Variants in BRIP1 observed in about 807,000 individuals in gnomAD.
BRIP1 encodes the protein Fanconi anemia group J protein.
A neutral mutation model predicts 119.7 loss-of-function variants in BRIP1; 88 were observed. That is an observed-to-expected ratio of 0.74 (90% CI 0.62 to 0.88). BRIP1 has a LOEUF of 0.88. Ranked by LOEUF, BRIP1 falls within the 40% of genes least tolerant of loss-of-function variation. The pLI, the probability that BRIP1 is intolerant of heterozygous loss-of-function variation, is 0.00. For synonymous variants in BRIP1, 443 were observed against 496.5 expected, an observed-to-expected ratio of 0.89 and a Z score of 1.43; for missense variants, 1,259 against 1,455.4, an observed-to-expected ratio of 0.87 and a Z score of 2.20.
intron 10 of BRIP1, among the ~76,000 whole-genome samples, chr17:61,784,688 G>A (rs1393320448): frequency 6.6e-6 from 1 of 152,144 alleles, no homozygotes. Context: ...GAGAGGGGGT[G>A]AGTTAGTGCT....
rs1265201453 is a variant in BRIP1 at position 61,744,975 on chromosome 17, C to CA, written c.2098-385dup. Among the ~76,000 whole-genome samples the CA allele has an allele frequency of 6.6e-6, 1 of 151,820 alleles. No homozygotes were observed. Among genetic ancestry groups the CA allele is most frequent in the Non-Finnish European group, 1.5e-5 (1 of 67,948 alleles). On this transcript the variant is annotated intron_variant, in intron 14 of 19. Transcript: ENST00000259008. This position sits in a 1 kb window ranked among gnomAD's most constrained non-coding sequence, Gnocchi z 5.0. The stretch of plus-strand genomic sequence containing the variant: ...CAATTTCAAAAGCAAAAGCAAAAAA[C>CA]AAAAAACCTCTGTCAAAGTTAACAA...
chr17:61,791,707 AT>A (rs1184768803), intron 10 of BRIP1, among the ~76,000 whole-genome samples: 8 of 152,068 alleles, frequency 5.3e-5, no homozygotes, highest in African/African-American at 1.9e-4. Context: ...CCCCTGCCCC[AT>A]GGAAGTACAG....
rs2076992961 is a variant in BRIP1, at chr17:61,742,045, T to C, written c.2379+968A>G. Reference sequence around the variant, plus strand: ...GCGTAGCCACCTTCATCAATTATCTTGGCCAGATCTTCTGGATAACTTGCT... The same window carrying C: ...GCGTAGCCACCTTCATCAATTATCTCGGCCAGATCTTCTGGATAACTTGCT... On this transcript the variant is annotated intron_variant, in intron 16 of 19. Coordinates refer to ENST00000259008, the MANE Select transcript of BRIP1 (RefSeq NM_032043.3). This position sits in a 1 kb window ranked among gnomAD's most constrained non-coding sequence, Gnocchi z 4.7. Among the ~76,000 whole-genome samples the C allele has an allele frequency of 6.6e-6, 1 of 152,236 alleles. No homozygotes were observed. Among genetic ancestry groups the C allele is most frequent in the Non-Finnish European group, 1.5e-5 (1 of 68,030 alleles).
At chr17:61,849,057 A>C in intron 5 of BRIP1, 72 bp downstream of exon 5, 1 of 1,538,658 alleles carries the variant, frequency 6.5e-7, no homozygotes, top group Admixed American at 1.7e-5. Context: ...AAGTGCATTA[A>C]AAACATGATA....
intron 17 of BRIP1, among the ~76,000 whole-genome samples, chr17:61,711,697 G>A (rs1280375972): frequency 1.3e-5 from 2 of 151,738 alleles, no homozygotes; most frequent in Non-Finnish European, 2.9e-5. Context: ...AGCGAAACCC[G>A]TCTCTACTAA....
Position 61,711,865 on chromosome 17 carries a change from CA to C in BRIP1, c.2492+4085del, listed in dbSNP as rs879605038. 4.7e-4 allele frequency among the ~76,000 whole-genome samples: 68 copies of C among 145,228 alleles called. 1 individual carries two copies. The highest frequency in any genetic ancestry group is 8.9e-4 in the South Asian group (4 of 4,496). ...CCTGGGAAACAGAGCAAGACTCTCT[CA>C]AAAAAAAAATAATAATAATAATAAA... On this transcript the variant is annotated intron_variant, in intron 17 of 19. Coordinates refer to ENST00000259008, the MANE Select transcript of BRIP1 (RefSeq NM_032043.3).
chr17:61,817,245 T>A (rs983922000), intron 6 of BRIP1, among the ~76,000 whole-genome samples: 3 of 152,172 alleles, frequency 2.0e-5, no homozygotes, highest in African/African-American at 4.8e-5. Context: ...AAAAGACATA[T>A]ATGTATTATT....
Position 61,722,605 on chromosome 17 carries a change from A to G in BRIP1, c.2380-6542T>C, listed in dbSNP as rs2061999101. 6.6e-6 allele frequency among the ~76,000 whole-genome samples: 1 copy of G among 152,236 alleles called. No individual in the cohort carries two copies. The highest frequency in any genetic ancestry group is 2.1e-4 in the South Asian group (1 of 4,836). On this transcript the variant is annotated intron_variant, in intron 16 of 19. Coordinates refer to ENST00000259008, the MANE Select transcript of BRIP1 (RefSeq NM_032043.3). This position sits in a 1 kb window ranked among gnomAD's most constrained non-coding sequence, Gnocchi z 4.6. ...AAAGTTGACATCTACTTTGTCAGAC[A>G]TAATAGCTTATGTGTTTTCAAAATT...
chr17:61,856,830 A>T lies in BRIP1; in HGVS notation c.379+228T>A, dbSNP rs1425626179. Among the ~76,000 whole-genome samples, 1 of 152,220 alleles carries T rather than the reference A, an allele frequency of 6.6e-6. No homozygotes were observed. The highest frequency in any genetic ancestry group is 1.5e-5 in the Non-Finnish European group (1 of 68,038). On this transcript the variant is annotated intron_variant, in intron 4 of 19. Coordinates refer to ENST00000259008, the MANE Select transcript of BRIP1 (RefSeq NM_032043.3). This position sits in a 1 kb window ranked among gnomAD's most constrained non-coding sequence, Gnocchi z 5.1. ...TATTTTGCCTTGCCTTCCTTAAAAA[A>T]TTATTTAGGACAACAAAATGTCTCA... is the stretch of plus-strand genomic sequence containing the variant.
chr17:61,849,583 T>C (rs2078787656), intron 4 of BRIP1, among the ~76,000 whole-genome samples: 2 of 152,208 alleles, frequency 1.3e-5, no homozygotes, highest in Non-Finnish European at 2.9e-5. Context: ...TGTAAAAATC[T>C]TTCTTTACAG....
rs56807447 is a variant in BRIP1 at position 61,746,587 on chromosome 17, CAA to C, written c.2098-1998_2098-1997del. The stretch of plus-strand genomic sequence containing the variant: ...CTAAGTCAAAAATTGTCACAAGAGA[CAA>C]AAAAAAAGGACATTATATAATGATA... On this transcript the variant is annotated intron_variant, in intron 14 of 19. Coordinates refer to ENST00000259008, the MANE Select transcript of BRIP1 (RefSeq NM_032043.3). The surrounding 1 kb of genome is among the most constrained non-coding windows in gnomAD (Gnocchi z 4.9). Among the ~76,000 whole-genome samples the C allele has an allele frequency of 6.0e-5, 9 of 151,188 alleles. No homozygotes were observed. Among genetic ancestry groups the C allele is most frequent in the Middle Eastern group, 3.4e-3 (1 of 294 alleles).
chr17:61,863,045 T>A (rs1407512199), intron 1 of BRIP1, among the ~76,000 whole-genome samples: 6 of 152,012 alleles, frequency 3.9e-5, no homozygotes, highest in African/African-American at 1.2e-4. Context: ...AAACATTGCA[T>A]AAAGGATAAA....
chr17:61,693,424 T>C lies in BRIP1; in HGVS notation c.2575+6A>G, dbSNP rs1555574710. ...GTTTTTACTCTAAGCCCAGCTGAGA[T>C]CTTACCAGATATATAGCGACTTGGG... On this transcript the variant is annotated splice_donor_region_variant and intron_variant, in intron 18 of 19. Coordinates refer to ENST00000259008, the MANE Select transcript of BRIP1 (RefSeq NM_032043.3). This position sits in a 1 kb window ranked among gnomAD's most constrained non-coding sequence, Gnocchi z 4.2. The C allele has an allele frequency of 6.2e-7, 1 of 1,609,636 alleles. No individual in the cohort carries two copies. Among genetic ancestry groups the C allele is most frequent in the Admixed American group, 1.7e-5 (1 of 60,014 alleles).
rs950475289 is a variant in BRIP1 at position 61,798,205 on chromosome 17, AT to A, written c.1340+894del. Among the ~76,000 whole-genome samples the A allele has an allele frequency of 1.1e-4, 17 of 149,906 alleles. No individual in the cohort carries two copies. Among genetic ancestry groups the A allele is most frequent in the South Asian group, 4.2e-4 (2 of 4,748 alleles). On this transcript the variant is annotated intron_variant, in intron 9 of 19. Transcript: ENST00000259008. This position sits in a 1 kb window ranked among gnomAD's most constrained non-coding sequence, Gnocchi z 5.5. The stretch of plus-strand genomic sequence containing the variant: ...CTATCTAATGGAATTCTAGATATCT[AT>A]TTTTTTTTTAAACTGAGAAAGCTTT...
rs1257025023 is a variant in BRIP1, at chr17:61,793,491, A to G, written c.1473+106T>C. On this transcript the variant is annotated intron_variant, in intron 10 of 19. Transcript: ENST00000259008. The surrounding 1 kb of genome is among the most constrained non-coding windows in gnomAD (Gnocchi z 5.2). ...AAAATTTTTAAAAAATTAAATTGCT[A>G]TATTTAACAATTCTGGGTTACTCAC... 7.7e-6 allele frequency: 8 copies of G among 1,034,448 alleles called. No homozygotes were observed. Among genetic ancestry groups the G allele is most frequent in the South Asian group, 3.4e-5 (2 of 59,396 alleles). The allele number at this position is 1,034,448 out of a possible 1,614,324, so 64.1% of individuals were successfully genotyped here.
intron 17 of BRIP1, among the ~76,000 whole-genome samples, chr17:61,697,336 C>CAAAAAAAAAAAAAAAAAAA (rs55963888): frequency 5.1e-5 from 3 of 59,142 alleles, no homozygotes; most frequent in Non-Finnish European, 5.8e-5. Context: ...GACTCTGTCT[C>CAAAAAAAAAAAAAAAAAAA]AAAAAAAAAA....
intron 11 of BRIP1, 133 bp downstream of exon 11, chr17:61,784,137 T>C (rs894829939): frequency 1.9e-5 from 15 of 773,876 alleles, no homozygotes; most frequent in African/African-American, 1.1e-4. Flanking sequence ...AGAGCAAATA[T>C]ATAATAATAT....
Position 61,683,205 on chromosome 17 carries a change from GC to G in BRIP1, c.*90del. The G allele has an allele frequency of 7.3e-7, 1 of 1,363,230 alleles. No individual in the cohort carries two copies. The highest frequency in any genetic ancestry group is 1.0e-6 in the Non-Finnish European group (1 of 981,006). The allele number at this position is 1,363,230 out of a possible 1,614,324, so 84.4% of individuals were successfully genotyped here. On this transcript the variant is annotated 3_prime_UTR_variant, in exon 20 of 20. Transcript: ENST00000259008. This position sits in a 1 kb window ranked among gnomAD's most constrained non-coding sequence, Gnocchi z 4.7. Reference sequence around the variant, plus strand: ...CATAAAATAGTTTTTTAAAAAGTATGCCACTTATTCAATTTACAAATTATTA... The same window carrying G: ...CATAAAATAGTTTTTTAAAAAGTATGCACTTATTCAATTTACAAATTATTA...
intron 6 of BRIP1, among the ~76,000 whole-genome samples, chr17:61,812,423 C>A (rs979614261): frequency 6.6e-6 from 1 of 151,910 alleles, no homozygotes; most frequent in African/African-American, 2.4e-5. Context: ...AAAATCAATA[C>A]ATAAGACATG....
Sources: allele counts gnomAD v4.1 joint callset (sites outside exome capture counted in the v4.1 genomes callset), GRCh38; gene constraint gnomAD v4.1.1; non-coding constraint Gnocchi (gnomAD v3.1); transcripts MANE v1.5; gene names NCBI Gene and HGNC (gene_info 2026-07-23, HGNC 2026-07-21).